The following OSBPL11 variants were observed in gnomAD, a reference collection of about 807,000 sequenced individuals.
The protein encoded by OSBPL11 is oxysterol-binding protein-related protein 11.
In OSBPL11, 33 loss-of-function variants were observed where a neutral mutation model predicts 84.4. That is an observed-to-expected ratio of 0.39 (90% CI 0.30 to 0.52). The LOEUF is 0.52. Ranked by LOEUF, OSBPL11 falls within the 20% of genes least tolerant of loss-of-function variation. OSBPL11 has a pLI of 0.72. For synonymous variants in OSBPL11, 276 were observed against 310.2 expected, an observed-to-expected ratio of 0.89 and a Z score of 1.16; for missense variants, 736 against 901.1, an observed-to-expected ratio of 0.82 and a Z score of 2.35.
chr3:125,577,902 C>A (rs989870310), intron 4 of OSBPL11, among the ~76,000 whole-genome samples: 1 of 151,900 alleles, frequency 6.6e-6, no homozygotes, highest in African/African-American at 2.4e-5. Context: ...AAAGTGTGGC[C>A]GCTTTGGAAA....
chr3:125,538,763 G>C, intron 10 of OSBPL11, 130 bp from the exon 11 acceptor site: 1 of 659,414 alleles, frequency 1.5e-6, no homozygotes, highest in South Asian at 2.8e-5. Flanking sequence ...CAATATGTCA[G>C]TGCCAAAGTT....
chr3:125,530,695 G>A (rs1935543773), intron 12 of OSBPL11, 115 bp from the exon 13 acceptor site: 2 of 860,464 alleles, frequency 2.3e-6, no homozygotes, highest in Non-Finnish European at 3.8e-6. Flanking sequence ...TCAAAAACAA[G>A]TTTTTGTGAA....
chr3:125,538,736 A>G, intron 10 of OSBPL11, 103 bp from the exon 11 acceptor site: 7 of 978,576 alleles, frequency 7.2e-6, no homozygotes, highest in Non-Finnish European at 9.0e-6. Flanking sequence ...TGTTGAAATT[A>G]GTTATATACC....
intron 7 of OSBPL11, among the ~76,000 whole-genome samples, chr3:125,561,406 A>C (rs1559841652): frequency 6.6e-6 from 1 of 152,140 alleles, no homozygotes; most frequent in Non-Finnish European, 1.5e-5. Flanking sequence ...CTTTCTTCCT[A>C]ATTTTCCTTT....
intron 1 of OSBPL11, among the ~76,000 whole-genome samples, chr3:125,586,523 T>TC (rs947671948): frequency 6.6e-6 from 1 of 151,950 alleles, no homozygotes; most frequent in African/African-American, 2.4e-5. Context: ...TTTCTTTTTT[T>TC]TTTTTTTGAG....
rs977800147 is a variant in OSBPL11 at position 125,595,201 on chromosome 3, G to C, written c.-401C>G. On this transcript the variant is annotated 5_prime_UTR_variant, in exon 1 of 13. Coordinates refer to ENST00000296220, the MANE Select transcript of OSBPL11 (RefSeq NM_022776.5). ...GGACCCGCGGCCTAACCTCGGGGCT[G>C]ACCCGCCGCGCTCCCTCGTCTCCTC... 3 of 159,788 alleles carry C rather than the reference G, an allele frequency of 1.9e-5. No individual in the cohort carries two copies. The highest frequency in any genetic ancestry group is 7.2e-5 in the African/African-American group (3 of 41,662). The allele number at this position is 159,788 out of a possible 1,614,324, so 9.9% of individuals were successfully genotyped here.
At chr3:125,559,143 C>T (rs918696516) in intron 8 of OSBPL11, among the ~76,000 whole-genome samples, 1 of 152,158 alleles carries the variant, frequency 6.6e-6, no homozygotes, top group African/African-American at 2.4e-5. Flanking sequence ...CACATAGCTG[C>T]AAATATTTAC....
chr3:125,541,690 GCCTCAA>G (rs1163058947), intron 10 of OSBPL11, among the ~76,000 whole-genome samples: 1 of 152,100 alleles, frequency 6.6e-6, no homozygotes, highest in Non-Finnish European at 1.5e-5. Context: ...CCATCCACCC[GCCTCAA>G]CCTCCTGAGT....
At chr3:125,538,047 T>C (rs1487225975) in intron 11 of OSBPL11, among the ~76,000 whole-genome samples, 1 of 152,226 alleles carries the variant, frequency 6.6e-6, no homozygotes, top group African/African-American at 2.4e-5. Context: ...CCCTAAACAA[T>C]TTTTCATTTC....
chr3:125,568,006 A>AG (rs1936185873), intron 5 of OSBPL11, among the ~76,000 whole-genome samples: 5 of 152,100 alleles, frequency 3.3e-5, no homozygotes, highest in Admixed American at 6.6e-5. Context: ...AAAAAAAAAA[A>AG]AAAGACATAT....
chr3:125,543,255 C>T (rs181627282), intron 10 of OSBPL11, among the ~76,000 whole-genome samples: 36 of 150,632 alleles, frequency 2.4e-4, no homozygotes, highest in African/African-American at 6.1e-4. Context: ...TCTTGGCCTC[C>T]GAAGTACCTG....
rs1340394296 is a variant in OSBPL11 at position 125,582,971 on chromosome 3, T to C, written c.172A>G (p.Met58Val). ...SAKGWQYSDH[M>V]ENVYGYLMKY... ...ATTAAATAGCCATACACATTTTCCA[T>C]GTGATCACTATTTCAAAATGAAAAA... is the stretch of plus-strand genomic sequence containing the variant. The change falls in exon 2 of 13, where the codon ATG (methionine) becomes GTG (valine). Residue 58 changes from methionine to valine, a missense_variant. Transcript: ENST00000296220. 2 of 1,585,022 alleles carry C rather than the reference T, an allele frequency of 1.3e-6. No individual in the cohort carries two copies. Among genetic ancestry groups the C allele is most frequent in the Non-Finnish European group, 8.5e-7 (1 of 1,172,104 alleles).
At chr3:125,564,188 T>C (rs1936119865) in intron 6 of OSBPL11, among the ~76,000 whole-genome samples, 1 of 152,182 alleles carries the variant, frequency 6.6e-6, no homozygotes, top group Non-Finnish European at 1.5e-5. Flanking sequence ...AATATGCAAT[T>C]AGGCTTTAGA....
chr3:125,538,149 T>C (rs1175415487), intron 11 of OSBPL11, among the ~76,000 whole-genome samples: 2 of 152,240 alleles, frequency 1.3e-5, no homozygotes, highest in Non-Finnish European at 2.9e-5. Flanking sequence ...GACTTTTTGT[T>C]AATAATATAA....
At chr3:125,550,551 C>T (rs1365204336) in intron 9 of OSBPL11, among the ~76,000 whole-genome samples, 9 of 152,104 alleles carry the variant, frequency 5.9e-5, no homozygotes, top group Non-Finnish European at 7.4e-5. Flanking sequence ...TTCTTCATAA[C>T]GACTATAACA....
At chr3:125,536,529 C>T (rs1323510139) in intron 11 of OSBPL11, among the ~76,000 whole-genome samples, 1 of 152,188 alleles carries the variant, frequency 6.6e-6, no homozygotes, top group Non-Finnish European at 1.5e-5. Context: ...TTTTCAAGTT[C>T]ATGGTGGCAG....
At chr3:125,585,323 G>C (rs936087712) in intron 1 of OSBPL11, among the ~76,000 whole-genome samples, 2 of 151,960 alleles carry the variant, frequency 1.3e-5, no homozygotes, top group Admixed American at 6.6e-5. Flanking sequence ...TAGAGATGGA[G>C]TTTCGTAAAG....
intron 5 of OSBPL11, among the ~76,000 whole-genome samples, chr3:125,568,408 G>T (rs757368800): frequency 1.3e-5 from 2 of 150,836 alleles, no homozygotes; most frequent in Non-Finnish European, 2.9e-5. Context: ...TCCAGCCTGG[G>T]CGATAGAGTG....
chr3:125,583,281 A>G (rs1936456211), intron 1 of OSBPL11, among the ~76,000 whole-genome samples: 1 of 152,006 alleles, frequency 6.6e-6, no homozygotes, highest in African/African-American at 2.4e-5. Flanking sequence ...AATATACTAT[A>G]AGTATTATAA....
Sources: gnomAD v4.1 joint callset for allele counts (sites outside exome capture counted in the v4.1 genomes callset) on GRCh38, gnomAD v4.1.1 for gene constraint, MANE v1.5 for transcripts, NCBI Gene and HGNC (gene_info 2026-07-23, HGNC 2026-07-21) for gene names.